XPR1: variants seen among roughly 807,000 people sequenced by gnomAD.
XPR1 encodes the protein xenotropic and polytropic retrovirus receptor 1.
A neutral mutation model predicts 87.5 loss-of-function variants in XPR1; 28 were observed. The ratio of observed to expected loss-of-function variants is 0.32; its 90% confidence interval spans 0.24 to 0.44. XPR1 has a LOEUF of 0.44. Among genes scored for constraint, XPR1 ranks in the 20% least tolerant of loss-of-function variants. The pLI, the probability that XPR1 is intolerant of heterozygous loss-of-function variation, is 1.00. For synonymous variants in XPR1, 300 were observed against 306.1 expected (o/e 0.98, Z 0.21); for missense variants, 559 against 862.3 (o/e 0.65, Z 4.41).
chr1:180,671,490 A>G (rs1656171012), intron 1 of XPR1, among the ~76,000 whole-genome samples: 2 of 152,190 alleles, frequency 1.3e-5, no homozygotes, highest in Admixed American at 6.5e-5. Flanking sequence ...TCCTCATGAT[A>G]TATCTGAAGT....
intron 2 of XPR1, among the ~76,000 whole-genome samples, chr1:180,782,151 T>C (rs1432304476): frequency 6.6e-6 from 1 of 152,030 alleles, no homozygotes; most frequent in Non-Finnish European, 1.5e-5. Flanking sequence ...TTTTATTTTT[T>C]TTCTCTCGTT....
intron 14 of XPR1, among the ~76,000 whole-genome samples, chr1:180,882,796 T>C (rs1202014619): frequency 6.6e-6 from 1 of 152,222 alleles, no homozygotes; most frequent in Non-Finnish European, 1.5e-5. Flanking sequence ...CTCCTCCCTC[T>C]TCTGCATTGT....
chr1:180,826,826 T>A (rs1022161553), intron 9 of XPR1, among the ~76,000 whole-genome samples: 2 of 152,094 alleles, frequency 1.3e-5, no homozygotes, highest in African/African-American at 4.8e-5. Flanking sequence ...AATTTTTTTT[T>A]AATCTGAAGA....
intron 2 of XPR1, among the ~76,000 whole-genome samples, chr1:180,737,837 T>G (rs1386928259): frequency 2.6e-5 from 4 of 152,174 alleles, no homozygotes; most frequent in African/African-American, 9.7e-5. Context: ...GGATATACCA[T>G]GATTTGTTTA....
chr1:180,714,843 A>AATTTTAATCAGT (rs145164605), intron 2 of XPR1, among the ~76,000 whole-genome samples: 6,496 of 151,786 alleles, frequency 0.043, 502 homozygotes, highest in African/African-American at 0.15. Flanking sequence ...GTTGTTTGGC[A>AATTTTAATCAGT]ATTTTAATCA....
intron 1 of XPR1, among the ~76,000 whole-genome samples, chr1:180,666,692 C>T (rs1655973031): frequency 6.6e-6 from 1 of 152,184 alleles, no homozygotes; most frequent in African/African-American, 2.4e-5. Context: ...GTATCAGCTA[C>T]TTTGCTGAAT....
At chr1:180,839,311 A>G (rs1389523006) in intron 11 of XPR1, among the ~76,000 whole-genome samples, 1 of 152,238 alleles carries the variant, frequency 6.6e-6, no homozygotes, top group Non-Finnish European at 1.5e-5. Context: ...ATAACCAGCC[A>G]TTGGAGTCAT....
Position 180,824,934 on chromosome 1 carries a change from T to A in XPR1, c.945T>A (p.His315Gln). ...CGAGAAGCAATTTGTCTCATCAACATCTCTTTGAGGTAATCAAAGCAAGAC... is the reference window on the plus strand; with the variant it reads ...CGAGAAGCAATTTGTCTCATCAACAACTCTTTGAGGTAATCAAAGCAAGAC... Reference protein sequence around the residue: ...LNPRSNLSHQHLFEIAGFLGI... With the variant: ...LNPRSNLSHQQLFEIAGFLGI... The change falls in exon 8 of 15, where the codon CAT becomes CAA. Residue 315 changes from histidine (H) to glutamine (Q), a missense_variant. This residue lies in a region of XPR1 where 264 missense variants were observed against 377.2 expected (regional missense o/e 0.70). Transcript: ENST00000367590. 1 of 1,613,764 alleles carries A rather than the reference T, an allele frequency of 6.2e-7. No individual in the cohort carries two copies. Among genetic ancestry groups the A allele is most frequent in the Non-Finnish European group, 8.5e-7 (1 of 1,179,896 alleles).
intron 1 of XPR1, among the ~76,000 whole-genome samples, chr1:180,666,002 C>T (rs1655948273): frequency 6.6e-6 from 1 of 152,118 alleles, no homozygotes; most frequent in Admixed American, 6.5e-5. Context: ...AGGTAAGGGT[C>T]CACCTTCCTT....
rs1206393885 is a variant in XPR1 at position 180,889,934 on chromosome 1, C to T, written c.*5868C>T. The T allele has an allele frequency of 2.6e-5, 4 of 152,196 alleles. No individual in the cohort carries two copies. Among genetic ancestry groups the T allele is most frequent in the Non-Finnish European group, 4.4e-5 (3 of 68,044 alleles). The allele number at this position is 152,196 out of a possible 1,614,324, so 9.4% of individuals were successfully genotyped here. The stretch of plus-strand genomic sequence containing the variant: ...TTCCTTCCCTCTTTTTTCTCCCTCA[C>T]TCTCTTTCTCAGTCTCCACTCTGGT... On this transcript the variant is annotated 3_prime_UTR_variant, in exon 15 of 15. Transcript: ENST00000367590.
intron 1 of XPR1, among the ~76,000 whole-genome samples, chr1:180,664,660 A>G (rs950677218): frequency 2.6e-5 from 4 of 152,130 alleles, no homozygotes; most frequent in African/African-American, 9.7e-5. Context: ...CTGTCTTACT[A>G]GGTCACGTGT....
rs1650204697 is a variant in XPR1 at position 180,811,333 on chromosome 1, C to G, written c.682-74C>G. ...TGGTAGAACTTTGAGACTCATTCTA[C>G]TATTTTATTACAGCATATAGTAAAT... On this transcript the variant is annotated intron_variant, in intron 6 of 14. Transcript: ENST00000367590. 15 of 1,197,216 alleles carry G rather than the reference C, an allele frequency of 1.3e-5. No individual in the cohort carries two copies. In the South Asian group the frequency reaches 1.6e-4, roughly 13 times the overall value. The allele number at this position is 1,197,216 out of a possible 1,614,324, so 74.2% of individuals were successfully genotyped here.
At chr1:180,656,237 A>G (rs929694783) in intron 1 of XPR1, among the ~76,000 whole-genome samples, 3 of 143,384 alleles carry the variant, frequency 2.1e-5, no homozygotes, top group Admixed American at 7.8e-5. Context: ...GACTTAACAT[A>G]ATGACTTCCA....
At chr1:180,703,405 C>A (rs1050920469) in intron 2 of XPR1, among the ~76,000 whole-genome samples, 1 of 152,092 alleles carries the variant, frequency 6.6e-6, no homozygotes, top group African/African-American at 2.4e-5. Context: ...ATAACGCATG[C>A]GGGTGCCAGC....
intron 1 of XPR1, among the ~76,000 whole-genome samples, chr1:180,665,672 C>G (rs80302875): frequency 6.6e-6 from 1 of 152,150 alleles, no homozygotes; most frequent in Non-Finnish European, 1.5e-5. Flanking sequence ...AATTGCTGCA[C>G]TCTCCCTCCC....
rs1652294757 is a variant in XPR1 at position 180,863,761 on chromosome 1, A to G, written c.1555A>G (p.Ile519Val). 1 of 1,609,134 alleles carries G rather than the reference A, an allele frequency of 6.2e-7. No homozygotes were observed. Among genetic ancestry groups the G allele is most frequent in the African/African-American group, 1.3e-5 (1 of 74,782 alleles). ...VFFYLWIVFY[I>V]ISSCYTLIWD... ...CTTTTACCTGTGGATTGTCTTTTAT[A>G]TCATCAGTTCCTGCTATACCCTCAT... The change falls in exon 12 of 15, where the codon ATC becomes GTC. Residue 519 changes from isoleucine to valine, a missense_variant. By Grantham distance (29) the Ile-to-Val change is conservative (BLOSUM62 3). Around this residue, in one of 7 missense-constraint regions of XPR1, gnomAD observed 264 missense variants for 377.2 expected, o/e 0.70. Transcript: ENST00000367590.
rs566954249 is a variant in XPR1 at position 180,705,213 on chromosome 1, A to G, written c.121+22802A>G. Among the ~76,000 whole-genome samples, 672 of 152,160 alleles carry G rather than the reference A, an allele frequency of 4.4e-3. 6 individuals carry two copies. Among genetic ancestry groups the G allele is most frequent in the African/African-American group, 0.015 (613 of 41,512 alleles). ...GTATTGATTAAAATTTCATTTTCTT[A>G]TTGAAGGTTGAAAGGTGAAAGATTG... On this transcript the variant is annotated intron_variant, in intron 2 of 14. Transcript: ENST00000367590.
chr1:180,738,874 C>G (rs149969040), intron 2 of XPR1, among the ~76,000 whole-genome samples: 2,191 of 152,120 alleles, frequency 0.014, 37 homozygotes, highest in Middle Eastern at 0.031. Flanking sequence ...TCACATAGCA[C>G]AAGTTTTTTT....
At chr1:180,640,979 T>A (rs1654944210) in intron 1 of XPR1, among the ~76,000 whole-genome samples, 1 of 152,244 alleles carries the variant, frequency 6.6e-6, no homozygotes, top group Admixed American at 6.5e-5. Flanking sequence ...ATGGTTTTGT[T>A]TGTAGCTGAG....
Sources: allele counts gnomAD v4.1 joint callset (sites outside exome capture counted in the v4.1 genomes callset), GRCh38; gene constraint gnomAD v4.1.1; regional missense constraint gnomAD v4.1.1; transcripts MANE v1.5; gene names NCBI Gene and HGNC (gene_info 2026-07-23, HGNC 2026-07-21).